ROBO1: variants seen among roughly 807,000 people sequenced by gnomAD.
The protein encoded by ROBO1 is roundabout homolog 1.
ROBO1 carries 149 observed loss-of-function variants against 195.9 expected under a neutral mutation model. That is an observed-to-expected ratio of 0.76 (90% CI 0.67 to 0.87). ROBO1 has a LOEUF of 0.87. Among genes scored for constraint, ROBO1 ranks in the 40% least tolerant of loss-of-function variants. ROBO1 has a pLI of 0.00. For missense variants in ROBO1, 1,933 were observed against 2,068.3 expected (o/e 0.93, Z 1.27); for synonymous variants, 816 against 733.2 (o/e 1.11, Z -1.82).
intron 2 of ROBO1, among the ~76,000 whole-genome samples, chr3:79,325,065 C>T (rs1444747800): frequency 6.6e-6 from 1 of 152,030 alleles, no homozygotes; most frequent in Non-Finnish European, 1.5e-5. Flanking sequence ...GTGGATTATC[C>T]CTCAGAGCGC....
chr3:79,687,942 T>C (rs900322386), intron 1 of ROBO1, among the ~76,000 whole-genome samples: 1 of 152,030 alleles, frequency 6.6e-6, no homozygotes, highest in African/African-American at 2.4e-5. Context: ...GTGGCACTAT[T>C]CACAATAGCA....
At chr3:78,773,772 T>A (rs763883967) in intron 4 of ROBO1, among the ~76,000 whole-genome samples, 51 of 152,312 alleles carry the variant, frequency 3.3e-4, no homozygotes, top group Non-Finnish European at 6.0e-4. Flanking sequence ...TATAGCAAAC[T>A]GTATCTGGTA....
chr3:79,735,788 T>G (rs1703352311), intron 1 of ROBO1, among the ~76,000 whole-genome samples: 1 of 151,414 alleles, frequency 6.6e-6, no homozygotes, highest in Non-Finnish European at 1.5e-5. Flanking sequence ...GGAGAATTGA[T>G]TGAACCTGGG....
chr3:78,862,945 C>T (rs1559937016), intron 4 of ROBO1, among the ~76,000 whole-genome samples: 1 of 152,222 alleles, frequency 6.6e-6, no homozygotes, highest in Non-Finnish European at 1.5e-5. Context: ...CAAGGACCAG[C>T]TCTGAATTCT....
Position 78,661,091 on chromosome 3 carries a change from AG to A in ROBO1, c.2258del (p.Pro753LeufsTer30). 6.2e-7 allele frequency: 1 copy of A among 1,613,542 alleles called. No homozygotes were observed. Among genetic ancestry groups the A allele is most frequent in the South Asian group, 1.1e-5 (1 of 90,988 alleles). On this transcript the variant is annotated frameshift_variant, in exon 16 of 31. Transcript: ENST00000464233. LOFTEE classifies it high-confidence loss of function. Reference sequence around the variant, plus strand: ...CTGCTCCTTGAAATTCATTAAAAAAAGGGCGAGCCTTAATTTCATAGTTGAC... The same window carrying A: ...CTGCTCCTTGAAATTCATTAAAAAAAGGCGAGCCTTAATTTCATAGTTGAC... ...KGVNYEIKARPFFNEFQGADS... is the reference protein window; with the variant it reads ...KGVNYEIKARXFFNEFQGADS...
intron 1 of ROBO1, among the ~76,000 whole-genome samples, chr3:79,696,904 A>G (rs1947465230): frequency 6.6e-6 from 1 of 151,478 alleles, no homozygotes; most frequent in African/African-American, 2.4e-5. Flanking sequence ...TCTTTTCAAA[A>G]ATGTTGTTTC....
chr3:79,690,822 T>C (rs1947277163), intron 1 of ROBO1, among the ~76,000 whole-genome samples: 1 of 151,878 alleles, frequency 6.6e-6, no homozygotes, highest in African/African-American at 2.4e-5. Flanking sequence ...TCTCTTAACA[T>C]AATTTGTCAT....
At chr3:79,039,329 T>C (rs1648307611) in intron 3 of ROBO1, among the ~76,000 whole-genome samples, 2 of 152,186 alleles carry the variant, frequency 1.3e-5, no homozygotes, top group South Asian at 4.1e-4. Context: ...GCCCTTACAT[T>C]TTCCCTGAGA....
At chr3:79,383,267 G>A (rs905537191) in intron 2 of ROBO1, among the ~76,000 whole-genome samples, 1 of 151,912 alleles carries the variant, frequency 6.6e-6, no homozygotes, top group African/African-American at 2.4e-5. Flanking sequence ...TATTCCACTA[G>A]GGAGCTGTAA....
At chr3:78,757,543 C>T (rs527536083) in intron 4 of ROBO1, among the ~76,000 whole-genome samples, 3 of 152,060 alleles carry the variant, frequency 2.0e-5, no homozygotes, top group African/African-American at 4.8e-5. Context: ...TCAAATTTTA[C>T]GGAGCAGGGG....
At chr3:79,766,645 C>T (rs1471014860) in intron 1 of ROBO1, among the ~76,000 whole-genome samples, 1 of 152,094 alleles carries the variant, frequency 6.6e-6, no homozygotes, top group Non-Finnish European at 1.5e-5. Context: ...ATCGGCCGCC[C>T]GCAGGGCTCG....
intron 2 of ROBO1, among the ~76,000 whole-genome samples, chr3:79,565,235 T>C (rs924144420): frequency 6.6e-6 from 1 of 151,952 alleles, no homozygotes; most frequent in Non-Finnish European, 1.5e-5. Context: ...GTTTAAAGAA[T>C]TGAGGCACAG....
intron 4 of ROBO1, among the ~76,000 whole-genome samples, chr3:78,936,583 C>T (rs558189290): frequency 9.2e-5 from 14 of 151,778 alleles, no homozygotes; most frequent in South Asian, 4.2e-4. Context: ...TTTTCCCTTG[C>T]GATTATCCCC....
At position 79,665,207 on chromosome 3, in the gene ROBO1, T is replaced by C. The variant is rs1946441394; in HGVS notation, c.-50-75246A>G. ...ATATTTTTGAAATGCTATATACATC[T>C]GGGAGAGCTGTGTATTTATAAAATC... is the stretch of plus-strand genomic sequence containing the variant. On this transcript the variant is annotated intron_variant, in intron 1 of 30. Coordinates refer to ENST00000464233, the MANE Select transcript of ROBO1 (RefSeq NM_002941.4). Among the ~76,000 whole-genome samples, 7 of 152,058 alleles carry C rather than the reference T, an allele frequency of 4.6e-5. No individual in the cohort carries two copies. The South Asian group carries it at 1.0e-3, about 22-fold the overall frequency.
At chr3:78,672,015 T>C (rs1708090667) in intron 10 of ROBO1, among the ~76,000 whole-genome samples, 1 of 152,186 alleles carries the variant, frequency 6.6e-6, no homozygotes, top group Non-Finnish European at 1.5e-5. Context: ...AAGAAAAAGA[T>C]CAGCTCTAGC....
chr3:79,411,743 C>A (rs1435091686), intron 2 of ROBO1, among the ~76,000 whole-genome samples: 1 of 152,058 alleles, frequency 6.6e-6, no homozygotes, highest in South Asian at 2.1e-4. Context: ...GTGGAGCTTA[C>A]GGAATGTGGA....
At chr3:78,673,599 TATATATAC>T (rs796854687) in intron 10 of ROBO1, among the ~76,000 whole-genome samples, 906 of 62,446 alleles carry the variant, frequency 0.015, 13 homozygotes, top group East Asian at 0.049. Context: ...TATATATATA[TATATATAC>T]ACACATATAT....
chr3:79,008,608 T>C (rs544601875), intron 3 of ROBO1, among the ~76,000 whole-genome samples: 8 of 151,848 alleles, frequency 5.3e-5, no homozygotes, highest in Non-Finnish European at 1.5e-5. Flanking sequence ...CATTTTTTTT[T>C]TGACAGACAG....
intron 4 of ROBO1, among the ~76,000 whole-genome samples, chr3:78,869,299 C>T (rs1005476309): frequency 6.6e-6 from 1 of 152,150 alleles, no homozygotes; most frequent in African/African-American, 2.4e-5. Flanking sequence ...TTTAAACCAA[C>T]ATTTTTTTGT....
Sources: allele counts gnomAD v4.1 joint callset (sites outside exome capture counted in the v4.1 genomes callset), GRCh38; gene constraint gnomAD v4.1.1; transcripts MANE v1.5; gene names NCBI Gene and HGNC (gene_info 2026-07-23, HGNC 2026-07-21).